The following PRELID2 variants were observed in gnomAD, a reference collection of about 807,000 sequenced individuals.
The protein encoded by PRELID2 is PRELI domain containing 2, also known as PRELI domain-containing protein 2.
PRELID2 carries 25 observed loss-of-function variants against 28.4 expected under a neutral mutation model. That is an observed-to-expected ratio of 0.88 (90% CI 0.64 to 1.23). The LOEUF is 1.23. Among genes scored for constraint, PRELID2 ranks in the 50% most tolerant of loss-of-function variants. The probability of loss-of-function intolerance (pLI) is 0.00; values close to 1 mark genes in which losing one functional copy is unlikely to be tolerated. For synonymous variants in PRELID2, 76 were observed against 71.6 expected (o/e 1.06, Z -0.31); for missense variants, 201 against 214.4 (o/e 0.94, Z 0.39).
intron 5 of PRELID2, among the ~76,000 whole-genome samples, chr5:145,775,232 T>A (rs1758339242): frequency 1.3e-5 from 2 of 151,256 alleles, no homozygotes; most frequent in Non-Finnish European, 2.9e-5. Context: ...AGAATGAGAC[T>A]CCATCTCAAA....
the PRELID2 span, among the ~76,000 whole-genome samples, chr5:145,289,317 C>T: frequency 9.9e-5 from 15 of 152,238 alleles, no homozygotes; most frequent in African/African-American, 3.4e-4. Flanking sequence ...TATAGCTTTT[C>T]CTTTTCCAGA....
chr5:145,693,969 C>T (rs1897541), intron 1 of PRELID2, among the ~76,000 whole-genome samples: 89 of 152,244 alleles, frequency 5.8e-4, no homozygotes, highest in Middle Eastern at 3.4e-3. Flanking sequence ...AGCATGGATT[C>T]TCAAGCCACA....
chr5:145,379,115 CTA>C, the PRELID2 span, among the ~76,000 whole-genome samples: 2 of 152,156 alleles, frequency 1.3e-5, no homozygotes, highest in Non-Finnish European at 2.9e-5. Flanking sequence ...AACTCCTAGA[CTA>C]TATGTTTTAA....
chr5:145,603,700 G>T (rs1306199744), intron 1 of PRELID2, among the ~76,000 whole-genome samples: 1 of 152,032 alleles, frequency 6.6e-6, no homozygotes, highest in Non-Finnish European at 1.5e-5. Context: ...ACTGACTTTA[G>T]GTTTTACACA....
At chr5:145,806,784 T>G (rs1424316905) in intron 4 of PRELID2, among the ~76,000 whole-genome samples, 10 of 151,988 alleles carry the variant, frequency 6.6e-5, no homozygotes, top group African/African-American at 1.9e-4. Flanking sequence ...GATCTGATGG[T>G]TTTAAAAGTG....
intron 4 of PRELID2, among the ~76,000 whole-genome samples, chr5:145,801,915 G>A (rs1171021378): frequency 3.9e-5 from 6 of 152,100 alleles, no homozygotes; most frequent in African/African-American, 1.4e-4. Context: ...CTACTGCCTG[G>A]GCTTGGCATA....
chr5:145,360,558 T>C, the PRELID2 span, among the ~76,000 whole-genome samples: 1 of 152,192 alleles, frequency 6.6e-6, no homozygotes, highest in South Asian at 2.1e-4. Context: ...CTATTGTGCA[T>C]TTCAATATTC....
At chr5:145,731,480 G>A (rs1245174514) in intron 1 of PRELID2, among the ~76,000 whole-genome samples, 1 of 152,202 alleles carries the variant, frequency 6.6e-6, no homozygotes, top group Non-Finnish European at 1.5e-5. Context: ...ATGGGAAAAA[G>A]CACTGGATTT....
chr5:145,496,518 C>T (rs1009995814), intron 1 of PRELID2, among the ~76,000 whole-genome samples: 1 of 152,132 alleles, frequency 6.6e-6, no homozygotes, highest in Non-Finnish European at 1.5e-5. Context: ...GATTGGCCAG[C>T]AAGTTAGGAG....
intron 1 of PRELID2, among the ~76,000 whole-genome samples, chr5:145,749,059 G>A (rs747015355): frequency 2.0e-5 from 3 of 152,132 alleles, no homozygotes; most frequent in Non-Finnish European, 4.4e-5. Context: ...CAGGACATAG[G>A]CGTGGGCAGA....
the PRELID2 span, among the ~76,000 whole-genome samples, chr5:145,463,739 T>A: frequency 6.6e-6 from 1 of 152,058 alleles, no homozygotes; most frequent in Non-Finnish European, 1.5e-5. Context: ...AGGCTCTACA[T>A]CTTAGCAGTA....
intron 1 of PRELID2, among the ~76,000 whole-genome samples, chr5:145,651,766 A>G (rs1186587671): frequency 1.3e-5 from 2 of 152,318 alleles, no homozygotes; most frequent in East Asian, 1.9e-4. Flanking sequence ...CGTCACCATC[A>G]TCAAAGACCA....
chr5:145,327,829 A>C, the PRELID2 span, among the ~76,000 whole-genome samples: 2 of 152,094 alleles, frequency 1.3e-5, no homozygotes, highest in Non-Finnish European at 2.9e-5. Context: ...ACATGTGCAG[A>C]ATGTGCAGGT....
At chr5:145,775,836 A>T (rs1758373830) in intron 5 of PRELID2, among the ~76,000 whole-genome samples, 1 of 152,226 alleles carries the variant, frequency 6.6e-6, no homozygotes, top group South Asian at 2.1e-4. Flanking sequence ...TGTGGAGTGA[A>T]GGAACAGTAA....
intron 1 of PRELID2, among the ~76,000 whole-genome samples, chr5:145,701,264 A>G (rs186477926): frequency 2.0e-5 from 3 of 152,300 alleles, no homozygotes; most frequent in Admixed American, 2.0e-4. Context: ...TAACCTTCAC[A>G]CCGACTGCAC....
intron 1 of PRELID2, among the ~76,000 whole-genome samples, chr5:145,580,634 C>T (rs967322431): frequency 3.3e-5 from 5 of 152,012 alleles, no homozygotes; most frequent in African/African-American, 9.7e-5. Context: ...TTGAAAACAG[C>T]TAAGCCTTAT....
At chr5:145,419,177 C>T in the PRELID2 span, among the ~76,000 whole-genome samples, 2 of 150,666 alleles carry the variant, frequency 1.3e-5, no homozygotes, top group Non-Finnish European at 3.0e-5. Context: ...GTGAATAATG[C>T]TGCAATAAGC....
chr5:145,371,516 TA>T, the PRELID2 span, among the ~76,000 whole-genome samples: 1 of 152,254 alleles, frequency 6.6e-6, no homozygotes, highest in East Asian at 1.9e-4. Flanking sequence ...GGTTTGCCAG[TA>T]TTTTATTGAG....
At chr5:145,367,035 T>G in the PRELID2 span, among the ~76,000 whole-genome samples, 21 of 151,894 alleles carry the variant, frequency 1.4e-4, no homozygotes, top group Non-Finnish European at 4.4e-5. Context: ...CCTCATCTAG[T>G]GAAATCCAGT....
Sources: allele counts gnomAD v4.1 joint callset (sites outside exome capture counted in the v4.1 genomes callset), GRCh38; gene constraint gnomAD v4.1.1; transcripts MANE v1.5; gene names NCBI Gene and HGNC (gene_info 2026-07-23, HGNC 2026-07-21).